The following ADGRF5 variants were observed in gnomAD, a reference collection of about 807,000 sequenced individuals.
ADGRF5 encodes the protein G-protein coupled receptor 116.
A neutral mutation model predicts 132.3 loss-of-function variants in ADGRF5; 75 were observed. The observed-to-expected ratio is 0.57, with a 90% CI of 0.47 to 0.69. The LOEUF (loss-of-function observed/expected upper bound fraction) is 0.69. Among genes scored for constraint, ADGRF5 ranks in the 30% least tolerant of loss-of-function variants. ADGRF5 has a pLI of 0.00. For missense variants in ADGRF5, 1,516 were observed against 1,630.6 expected, an observed-to-expected ratio of 0.93 and a Z score of 1.21; for synonymous variants, 629 against 597.6, an observed-to-expected ratio of 1.05 and a Z score of -0.77.
Position 46,935,692 on chromosome 6 carries a change from C to T in ADGRF5, c.-25+19042G>A, listed in dbSNP as rs547382623. Among the ~76,000 whole-genome samples, 17 of 152,262 alleles carry T rather than the reference C, an allele frequency of 1.1e-4. No homozygotes were observed. The South Asian group carries it at 2.9e-3, about 26-fold the overall frequency. On this transcript the variant is annotated intron_variant, in intron 1 of 20. Transcript: ENST00000265417. ...TTGCCTTTCTCCTTTTCCCCAAGTCCCTCTCCTGCTCCTGAATTCAACTCC... is the reference window on the plus strand; with the variant it reads ...TTGCCTTTCTCCTTTTCCCCAAGTCTCTCTCCTGCTCCTGAATTCAACTCC...
chr6:46,924,993 C>T (rs186617150), upstream of ADGRF5, among the ~76,000 whole-genome samples: 477 of 152,306 alleles, frequency 3.1e-3, 3 homozygotes, highest in Middle Eastern at 0.027. Context: ...CCTCTTGTCA[C>T]TTATAGTCTG....
rs761174050 is a variant in ADGRF5, at chr6:46,868,869, G to A, written c.1621+14C>T. Reference sequence around the variant, plus strand: ...GCCCAGGCAGCACAATACGGTGTCCGGCCTTTCACTCACCATTCCACTCCC... The same window carrying A: ...GCCCAGGCAGCACAATACGGTGTCCAGCCTTTCACTCACCATTCCACTCCC... On this transcript the variant is annotated intron_variant, in intron 12 of 20. Coordinates refer to ENST00000283296, the MANE Select transcript of ADGRF5 (RefSeq NM_001098518.2). The A allele has an allele frequency of 7.7e-6, 12 of 1,552,388 alleles. No homozygotes were observed. Among genetic ancestry groups the A allele is most frequent in the African/African-American group, 4.1e-5 (3 of 73,562 alleles).
chr6:46,881,341 C>T, intron 8 of ADGRF5, 114 bp downstream of exon 8: 1 of 851,086 alleles, frequency 1.2e-6, no homozygotes, highest in East Asian at 2.5e-5. Context: ...ACAGAACCCC[C>T]TGTGCCAGGA....
chr6:46,863,277 T>C (rs777710087), intron 14 of ADGRF5, 181 bp from the exon 15 acceptor site: 3 of 688,646 alleles, frequency 4.4e-6, no homozygotes, highest in Non-Finnish European at 8.0e-6. Flanking sequence ...CCCTCTCTGC[T>C]TTCCACATGA....
intron 1 of ADGRF5, among the ~76,000 whole-genome samples, chr6:46,918,608 C>A (rs1425843384): frequency 6.6e-6 from 1 of 152,166 alleles, no homozygotes; most frequent in Non-Finnish European, 1.5e-5. Flanking sequence ...TTATCTAGAA[C>A]ATTTAATCTG....
intron 1 of ADGRF5, among the ~76,000 whole-genome samples, chr6:46,948,675 T>A (rs777550404): frequency 5.9e-5 from 9 of 152,254 alleles, no homozygotes; most frequent in South Asian, 4.1e-4. Context: ...ACGGGTGAGA[T>A]TTAGATCCTT....
intron 10 of ADGRF5, 152 bp from the exon 11 acceptor site, chr6:46,872,165 T>A: frequency 1.9e-6 from 1 of 531,394 alleles, no homozygotes. Flanking sequence ...TGATTAGGTC[T>A]GCAGACTCTG....
At chr6:46,885,129 G>C (rs961189036) in intron 4 of ADGRF5, among the ~76,000 whole-genome samples, 1 of 150,218 alleles carries the variant, frequency 6.7e-6, no homozygotes, top group Non-Finnish European at 1.5e-5. Context: ...GGGAGGAAGA[G>C]GTTGCAGTGA....
chr6:46,860,799 A>G lies in ADGRF5; in HGVS notation c.2295T>C (p.Ser765=). The G allele has an allele frequency of 6.2e-7, 1 of 1,613,560 alleles. No individual in the cohort carries two copies. ...SIDKAEHEIS[S]SPGSLGAIIN... The stretch of plus-strand genomic sequence containing the variant: ...TAATGGCTCCCAGACTCCCAGGAGA[A>G]GAGCTGATTTCATGTTCCGCTTTGT... The change falls in exon 16 of 21, where the codon TCT becomes TCC. Residue 765 remains serine, a synonymous_variant. Coordinates refer to ENST00000283296, the MANE Select transcript of ADGRF5 (RefSeq NM_001098518.2).
At position 46,883,607 on chromosome 6, in the gene ADGRF5, G is replaced by T; in HGVS notation, c.564C>A (p.Asn188Lys). ...AGGACCTATAGAGGGCGGAGGAAGT[G>T]TTCATGAGGTCTTCTTGAAAGCCTA... Reference protein sequence around the residue: ...LNVGFQEDLMNTSSALYRSYK... With the variant: ...LNVGFQEDLMKTSSALYRSYK... Residue 188 changes from asparagine to lysine, a missense_variant, in exon 6 of 21, where the codon AAC becomes AAA. Asn to Lys is a moderately conservative substitution (Grantham distance 94). Around this residue, in one of 2 missense-constraint regions of ADGRF5, gnomAD observed 945 missense variants for 929.4 expected, o/e 1.02. Coordinates refer to ENST00000283296, the MANE Select transcript of ADGRF5 (RefSeq NM_001098518.2). 1 of 1,607,804 alleles carries T rather than the reference G, an allele frequency of 6.2e-7. No individual in the cohort carries two copies. The highest frequency in any genetic ancestry group is 8.5e-7 in the Non-Finnish European group (1 of 1,178,068).
upstream of ADGRF5, among the ~76,000 whole-genome samples, chr6:46,923,036 C>A (rs1269449505): frequency 6.6e-6 from 1 of 152,226 alleles, no homozygotes; most frequent in African/African-American, 2.4e-5. Flanking sequence ...AAGCGATTCT[C>A]CTGCCTCAGC....
rs1490478316 is a variant in ADGRF5 at position 46,881,467 on chromosome 6, C to T, written c.802G>A (p.Ala268Thr). The T allele has an allele frequency of 1.9e-6, 3 of 1,613,274 alleles. No individual in the cohort carries two copies. In the East Asian group the frequency reaches 6.7e-5, roughly 36 times the overall value. Reference protein sequence around the residue: ...TYKMDYNSFQAVTINESNFFV... With the variant: ...TYKMDYNSFQTVTINESNFFV... Reference sequence around the variant, plus strand: ...CAATTTCACTTACTGATAGTAACTGCTTGAAAGGAGTTGTAGTCCATTTTG... The same window carrying T: ...CAATTTCACTTACTGATAGTAACTGTTTGAAAGGAGTTGTAGTCCATTTTG... The change falls in exon 8 of 21, where the codon GCA (alanine) becomes ACA (threonine). Residue 268 changes from alanine (A) to threonine (T), a missense_variant. Physicochemically the swap from Ala to Thr is moderately conservative, Grantham distance 58 (BLOSUM62 0). Transcript: ENST00000283296.
At chr6:46,928,317 G>A (rs991289183) in intron 1 of ADGRF5, among the ~76,000 whole-genome samples, 2 of 152,132 alleles carry the variant, frequency 1.3e-5, no homozygotes, top group Non-Finnish European at 2.9e-5. Flanking sequence ...CTAGGTTGGT[G>A]CAAAAGAAAA....
In ADGRF5 at chr6:46,868,961, T is replaced by G; in HGVS notation, c.1543A>C (p.Arg515=). 6.2e-7 allele frequency: 1 copy of G among 1,613,306 alleles called. No individual in the cohort carries two copies. The highest frequency in any genetic ancestry group is 8.5e-7 in the Non-Finnish European group (1 of 1,179,244). Reference sequence around the variant, plus strand: ...AGATACCTCCTCGTGGTATAAAATCTTTGGTATATTTTAATTCCAGCAGAA... The same window carrying G: ...AGATACCTCCTCGTGGTATAAAATCGTTGGTATATTTTAATTCCAGCAGAA... ...NTSAGIKIYQ[R]FYTTRRYLDG... is the part of the protein sequence containing the mutation. Residue 515 remains arginine, a synonymous_variant, in exon 12 of 21, where the codon AGA becomes CGA. Coordinates refer to ENST00000283296, the MANE Select transcript of ADGRF5 (RefSeq NM_001098518.2).
chr6:46,923,123 C>T (rs1190445050), upstream of ADGRF5, among the ~76,000 whole-genome samples: 5 of 152,174 alleles, frequency 3.3e-5, no homozygotes, highest in Non-Finnish European at 5.9e-5. Flanking sequence ...GACAGGGTCT[C>T]TCCATGTTGG....
chr6:46,920,342 C>T (rs1582017731), intron 1 of ADGRF5, among the ~76,000 whole-genome samples: 1 of 152,034 alleles, frequency 6.6e-6, no homozygotes, highest in Non-Finnish European at 1.5e-5. Flanking sequence ...GTTAAAAGAG[C>T]TATTCATGTT....
intron 3 of ADGRF5, among the ~76,000 whole-genome samples, chr6:46,898,407 G>A (rs921171964): frequency 2.0e-5 from 3 of 152,144 alleles, no homozygotes; most frequent in South Asian, 4.2e-4. Context: ...AAGTTTAAAG[G>A]GTTGTCGGGA....
intron 17 of ADGRF5, among the ~76,000 whole-genome samples, chr6:46,857,459 A>T (rs1212020777): frequency 6.6e-6 from 1 of 152,134 alleles, no homozygotes; most frequent in African/African-American, 2.4e-5. Flanking sequence ...CCACCTCTCC[A>T]TTGGGTGAAA....
At chr6:46,871,080 A>C (rs539488365) in intron 11 of ADGRF5, among the ~76,000 whole-genome samples, 2 of 152,088 alleles carry the variant, frequency 1.3e-5, no homozygotes, top group African/African-American at 4.8e-5. Flanking sequence ...ACAATAGCAG[A>C]AAACATGAAC....
Sources: gnomAD v4.1 joint callset for allele counts (sites outside exome capture counted in the v4.1 genomes callset) on GRCh38, gnomAD v4.1.1 for gene constraint, gnomAD v4.1.1 regional missense constraint, MANE v1.5 for transcripts, NCBI Gene and HGNC (gene_info 2026-07-23, HGNC 2026-07-21) for gene names.